The following ATP6V0A1 variants were observed in gnomAD, a reference collection of about 807,000 sequenced individuals.
ATP6V0A1 encodes ATPase H+ transporting V0 subunit a1.
In ATP6V0A1, 43 loss-of-function variants were observed where a neutral mutation model predicts 105.4. The ratio of observed to expected loss-of-function variants is 0.41; its 90% CI spans 0.32 to 0.53. The LOEUF is 0.53. Among genes scored for constraint, ATP6V0A1 ranks in the 20% least tolerant of loss-of-function variants. The pLI is 0.30. For missense variants in ATP6V0A1, 676 were observed against 1,051.1 expected, an observed-to-expected ratio of 0.64 and a Z score of 4.93; for synonymous variants, 362 against 372.8, an observed-to-expected ratio of 0.97 and a Z score of 0.33.
rs1433216669 is a variant in ATP6V0A1, at chr17:42,514,446, A to G, written c.2406A>G (p.Ala802=). Residue 802 remains alanine (A), a synonymous_variant, in exon 21 of 22, where the codon GCA becomes GCG. Transcript: ENST00000343619. The part of the protein sequence containing the change: ...IMEGLSAFLH[A]LRLHWVEFQN... ...AGGGCCTCTCGGCCTTTCTCCACGC[A>G]CTGCGCTTACACTGGTGAGGGGCAG... 5 of 1,604,122 alleles carry G rather than the reference A, an allele frequency of 3.1e-6. No individual in the cohort carries two copies. The highest frequency in any genetic ancestry group is 4.3e-6 in the Non-Finnish European group (5 of 1,175,098).
chr17:42,467,487 T>G (rs2087247099), intron 3 of ATP6V0A1, among the ~76,000 whole-genome samples: 1 of 152,238 alleles, frequency 6.6e-6, no homozygotes, highest in Non-Finnish European at 1.5e-5. Context: ...TCTCTTCTGG[T>G]ATTTTGTGTC....
chr17:42,489,317 G>A (rs1463950543), intron 10 of ATP6V0A1, among the ~76,000 whole-genome samples: 2 of 151,990 alleles, frequency 1.3e-5, no homozygotes, highest in African/African-American at 2.4e-5. Flanking sequence ...CTGACCTCAG[G>A]TGATCCACCC....
In ATP6V0A1 at chr17:42,495,619, A is replaced by G. The variant is rs756539157; in HGVS notation, c.1470-7A>G. On this transcript the variant is annotated splice_polypyrimidine_tract_variant and splice_region_variant and intron_variant, in intron 13 of 21. Coordinates refer to ENST00000343619, the MANE Select transcript of ATP6V0A1 (RefSeq NM_001130021.3). ...AAAATAATGTGACTTTTTCCCTGTC[A>G]TGGTAGTGAAGAGACGCTTCGGGGG... 3 of 1,605,690 alleles carry G rather than the reference A, an allele frequency of 1.9e-6. No homozygotes were observed. Among genetic ancestry groups the G allele is most frequent in the Non-Finnish European group, 2.6e-6 (3 of 1,172,710 alleles).
chr17:42,507,898 T>C (rs1296101538), intron 18 of ATP6V0A1, among the ~76,000 whole-genome samples: 1 of 152,170 alleles, frequency 6.6e-6, no homozygotes, highest in Admixed American at 6.6e-5. Flanking sequence ...TCTCCATTAC[T>C]GACTGCTCTC....
chr17:42,504,391 G>T (rs979304696), intron 17 of ATP6V0A1, among the ~76,000 whole-genome samples: 1 of 152,106 alleles, frequency 6.6e-6, no homozygotes, highest in Non-Finnish European at 1.5e-5. Context: ...GATTTAACCT[G>T]TCTGCTCCTC....
intron 3 of ATP6V0A1, 83 bp from the exon 4 acceptor site, chr17:42,467,927 T>G: frequency 1.3e-6 from 1 of 763,972 alleles, no homozygotes; most frequent in Non-Finnish European, 2.0e-6. Flanking sequence ...TAACCAGGTC[T>G]TAGATGTTAA....
intron 21 of ATP6V0A1, among the ~76,000 whole-genome samples, chr17:42,517,574 C>T (rs1567876778): frequency 6.6e-6 from 1 of 152,228 alleles, no homozygotes; most frequent in East Asian, 1.9e-4. Flanking sequence ...GTTCCCGTGA[C>T]ACGAGTGGGG....
chr17:42,481,989 G>A (rs1020897595), intron 8 of ATP6V0A1, among the ~76,000 whole-genome samples: 1 of 151,894 alleles, frequency 6.6e-6, no homozygotes, highest in Non-Finnish European at 1.5e-5. Flanking sequence ...CTGCAGATGC[G>A]TGCCAGCACA....
chr17:42,460,379 G>C (rs1193876045), intron 1 of ATP6V0A1: 1 of 153,428 alleles, frequency 6.5e-6, no homozygotes, highest in Non-Finnish European at 1.5e-5. Context: ...TTTTAGAAAT[G>C]CGCATTGTCA....
At chr17:42,467,371 A>T (rs917137212) in intron 3 of ATP6V0A1, among the ~76,000 whole-genome samples, 2 of 152,186 alleles carry the variant, frequency 1.3e-5, no homozygotes, top group Admixed American at 1.3e-4. Flanking sequence ...TCTCTGGCTC[A>T]AAAGTCCATG....
intron 5 of ATP6V0A1, 159 bp from the exon 6 acceptor site, chr17:42,477,501 G>T (rs2088907285): frequency 6.5e-6 from 4 of 612,664 alleles, no homozygotes; most frequent in South Asian, 5.2e-5. Context: ...TATTCTTCTT[G>T]TCTTTTTATG....
intron 17 of ATP6V0A1, 188 bp from the exon 18 acceptor site, chr17:42,507,332 G>T: frequency 1.9e-6 from 1 of 530,162 alleles, no homozygotes. Flanking sequence ...TTGGGCTGGG[G>T]CTGGGGAGGC....
intron 7 of ATP6V0A1, chr17:42,480,223 A>G (rs1311360776): frequency 6.6e-6 from 1 of 152,252 alleles, no homozygotes; most frequent in Non-Finnish European, 1.5e-5. Flanking sequence ...GAATTGTGAG[A>G]TTCTATATCA....
intron 12 of ATP6V0A1, chr17:42,494,764 G>A: frequency 2.1e-6 from 1 of 475,072 alleles, no homozygotes; most frequent in Middle Eastern, 4.5e-4. Context: ...AATTATTTAG[G>A]TTTGGTGCAA....
intron 21 of ATP6V0A1, chr17:42,517,905 T>C (rs1040598640): frequency 1.3e-5 from 2 of 152,254 alleles, no homozygotes; most frequent in African/African-American, 4.8e-5. Context: ...AGAAAAACAT[T>C]TGATTCGATA....
chr17:42,478,741 TA>T (rs1430588320), intron 7 of ATP6V0A1, 152 bp downstream of exon 7: 15 of 769,610 alleles, frequency 1.9e-5, no homozygotes, highest in Middle Eastern at 8.3e-4. Flanking sequence ...TACTTCCTCT[TA>T]GTTAATTCCT....
At chr17:42,478,673 C>A in intron 7 of ATP6V0A1, 84 bp downstream of exon 7, 1 of 1,372,904 alleles carries the variant, frequency 7.3e-7, no homozygotes, top group Non-Finnish European at 9.7e-7. Context: ...CACCTGAATC[C>A]AGTGCTTCCA....
intron 17 of ATP6V0A1, among the ~76,000 whole-genome samples, chr17:42,506,070 G>A (rs963959384): frequency 2.0e-5 from 3 of 152,306 alleles, no homozygotes; most frequent in Admixed American, 6.5e-5. Flanking sequence ...TTACAGGCAT[G>A]AGCCACCGCG....
At chr17:42,512,534 G>T (rs1394395395) in intron 19 of ATP6V0A1, among the ~76,000 whole-genome samples, 2 of 152,174 alleles carry the variant, frequency 1.3e-5, no homozygotes, top group South Asian at 2.1e-4. Context: ...AGTTTTCAGG[G>T]TAAGTAAGGA....
Sources: allele counts gnomAD v4.1 joint callset (sites outside exome capture counted in the v4.1 genomes callset), GRCh38; gene constraint gnomAD v4.1.1; transcripts MANE v1.5; gene names NCBI Gene and HGNC (gene_info 2026-07-23, HGNC 2026-07-21).